The following CRIP2 variants were observed in gnomAD, a reference collection of about 807,000 sequenced individuals.
CRIP2 encodes the protein cysteine-rich protein 2.
Under a neutral mutation model 31.3 loss-of-function variants are expected in CRIP2, and 31 were observed. That is an observed-to-expected ratio of 0.99 (90% CI 0.74 to 1.34). The LOEUF is 1.34. Ranked by LOEUF, CRIP2 falls within the 40% of genes most tolerant of loss-of-function variation. The pLI, the probability that CRIP2 is intolerant of heterozygous loss-of-function variation, is 0.00. For synonymous variants in CRIP2, 177 were observed against 127.2 expected (o/e 1.39, Z -2.63); for missense variants, 389 against 301.6 (o/e 1.29, Z -2.15).
chr14:105,475,213 C>T, intron 1 of CRIP2: 1 of 291,746 alleles, frequency 3.4e-6, no homozygotes. Context: ...CGGGGATCCG[C>T]GGACGCATCC....
Position 105,479,437 on chromosome 14 carries a change from A to G in CRIP2, c.503A>G (p.His168Arg). 1 of 1,612,716 alleles carries G rather than the reference A, an allele frequency of 6.2e-7. No individual in the cohort carries two copies. Among genetic ancestry groups the G allele is most frequent in the Non-Finnish European group, 8.5e-7 (1 of 1,179,942 alleles). ...CTCAGCACCCACCTTCTGCCCCAGC[A>G]CGACGGCCAGCCCTACTGCCACAAG... ...KTLTPGGHAE[H>R]DGQPYCHKPC... Residue 168 changes from histidine to arginine, a missense_variant and splice_region_variant, in exon 7 of 8, where the codon CAC becomes CGC. Transcript: ENST00000329146.
At chr14:105,476,779 C>T (rs944557159) in intron 1 of CRIP2, 1 of 985,264 alleles carries the variant, frequency 1.0e-6, no homozygotes, top group Non-Finnish European at 1.2e-6. Flanking sequence ...TGGTTCTGGT[C>T]AGAGGGCTCT....
chr14:105,479,688 G>T lies in CRIP2; in HGVS notation c.*35G>T. 1 of 1,596,706 alleles carries T rather than the reference G, an allele frequency of 6.3e-7. No homozygotes were observed. Among genetic ancestry groups the T allele is most frequent in the Non-Finnish European group, 8.5e-7 (1 of 1,172,596 alleles). On this transcript the variant is annotated 3_prime_UTR_variant, in exon 8 of 8. Coordinates refer to ENST00000329146, the MANE Select transcript of CRIP2 (RefSeq NM_001312.4). ...GCTCTCATGATGTGGGCTCACCTGC[G>T]CCCCAGACCCTGCAGGGGCCCCCCT...
At chr14:105,479,316 T>C in intron 6 of CRIP2, 97 bp downstream of exon 6, 1 of 1,525,940 alleles carries the variant, frequency 6.6e-7, no homozygotes, top group Non-Finnish European at 8.9e-7. Context: ...GGGGTGGTGC[T>C]TCTGGGAGCT....
rs782778280 is a variant in CRIP2, at chr14:105,479,159, C to T, written c.441C>T (p.His147=). ...TGACGTCTCTGGGCAAGGATTGGCA[C>T]CGGCCCTGCCTGCGCTGCGAGCGCT... The part of the protein sequence containing the change: ...EKVTSLGKDW[H]RPCLRCERCG... The change falls in exon 6 of 8, where the codon CAC becomes CAT. Residue 147 remains histidine (H), a synonymous_variant. Transcript: ENST00000329146. The T allele has an allele frequency of 6.2e-7, 1 of 1,611,726 alleles. No individual in the cohort carries two copies.
intron 1 of CRIP2, chr14:105,476,171 T>C (rs1283356354): frequency 3.0e-5 from 30 of 985,328 alleles, no homozygotes; most frequent in Non-Finnish European, 3.5e-5. Flanking sequence ...AGGGCCCTTC[T>C]GCAGTCCAAC....
At chr14:105,474,332 A>G (rs1555435276), upstream of CRIP2, 1 of 151,312 alleles carries the variant, frequency 6.6e-6, no homozygotes, top group African/African-American at 2.4e-5. The surrounding 1 kb of genome is among the most constrained non-coding windows in gnomAD (Gnocchi z 5.1). Context: ...ACCGAGCAAC[A>G]AAGGGAAGCG....
chr14:105,478,685 C>CGGCCCCCACCCCACG lies in CRIP2; in HGVS notation c.197-45_197-31dup. ...CGTTTTCTGAGATGCCCGGTGGCCG[C>CGGCCCCCACCCCACG]GGCCCCCACCCCACGTACCCCCGCC... On this transcript the variant is annotated intron_variant, in intron 3 of 7. Transcript: ENST00000329146. This position sits in a 1 kb window ranked among gnomAD's most constrained non-coding sequence, Gnocchi z 4.9. 6.9e-7 allele frequency: 1 copy of CGGCCCCCACCCCACG among 1,447,498 alleles called. No homozygotes were observed. The highest frequency in any genetic ancestry group is 9.1e-7 in the Non-Finnish European group (1 of 1,102,444). 89.7% of individuals were successfully genotyped at this position (1,447,498 alleles called of 1,614,324 possible).
rs782798482 is a variant in CRIP2, at chr14:105,479,113, C to T, written c.407-12C>T. 4.2e-5 allele frequency: 68 copies of T among 1,611,116 alleles called. No homozygotes were observed. In the East Asian group the frequency reaches 8.9e-4, roughly 21 times the overall value. ...CGCCCCGGGGCTCGGCCTCACTCCT[C>T]CCCCTTTCCAGCTGAGAAGGTGACG... On this transcript the variant is annotated splice_polypyrimidine_tract_variant and intron_variant, in intron 5 of 7. Coordinates refer to ENST00000329146, the MANE Select transcript of CRIP2 (RefSeq NM_001312.4).
Position 105,478,407 on chromosome 14 carries a change from C to G in CRIP2, c.139-43C>G, listed in dbSNP as rs587646193. The G allele has an allele frequency of 1.0e-5, 16 of 1,585,052 alleles. No individual in the cohort carries two copies. The highest frequency in any genetic ancestry group is 2.3e-5 in the East Asian group (1 of 43,612). ...GGGCGGGGGCGGGGGTCGCGACTCCCGCCACCCTCAGGCAGGGTCCTGACC... is the reference window on the plus strand; with the variant it reads ...GGGCGGGGGCGGGGGTCGCGACTCCGGCCACCCTCAGGCAGGGTCCTGACC... On this transcript the variant is annotated intron_variant, in intron 2 of 7. Transcript: ENST00000329146. This position sits in a 1 kb window ranked among gnomAD's most constrained non-coding sequence, Gnocchi z 4.9.
At position 105,478,593 on chromosome 14, in the gene CRIP2, G is replaced by C. The variant is rs2084007175; in HGVS notation, c.196+86G>C. The C allele has an allele frequency of 6.5e-7, 1 of 1,528,350 alleles. No homozygotes were observed. The highest frequency in any genetic ancestry group is 1.2e-5 in the South Asian group (1 of 84,152). 94.7% of individuals were successfully genotyped at this position (1,528,350 alleles called of 1,614,324 possible). On this transcript the variant is annotated intron_variant, in intron 3 of 7. Coordinates refer to ENST00000329146, the MANE Select transcript of CRIP2 (RefSeq NM_001312.4). This position sits in a 1 kb window ranked among gnomAD's most constrained non-coding sequence, Gnocchi z 4.9. Reference sequence around the variant, plus strand: ...CTGGGGAGGGCTGGGGGTCCCGGCCGCCGTGGATCCCCGCCCAGAGTCCCT... The same window carrying C: ...CTGGGGAGGGCTGGGGGTCCCGGCCCCCGTGGATCCCCGCCCAGAGTCCCT...
upstream of CRIP2, chr14:105,473,391 T>C (rs2083874597): frequency 1.3e-6 from 2 of 1,535,242 alleles, no homozygotes; most frequent in African/African-American, 2.7e-5. Context: ...CTGCAGGGTG[T>C]GTGTGCAAGG....
chr14:105,476,823 C>G lies in CRIP2; in HGVS notation c.44-1443C>G, dbSNP rs1490242651. The G allele has an allele frequency of 1.2e-5, 11 of 955,672 alleles. No homozygotes were observed. In the East Asian group the frequency reaches 1.3e-3, roughly 110 times the overall value. 59.2% of individuals were successfully genotyped at this position (955,672 alleles called of 1,614,324 possible). On this transcript the variant is annotated intron_variant, in intron 1 of 7. Coordinates refer to ENST00000329146, the MANE Select transcript of CRIP2 (RefSeq NM_001312.4). ...GCAGCCTTGTGGTTGGGCTGGTGTC[C>G]TGGAGGCTGGCCCTGGCCATGCCCA...
chr14:105,473,373 G>C (rs1005958548), upstream of CRIP2: 73 of 1,535,710 alleles, frequency 4.8e-5, no homozygotes, highest in East Asian at 1.7e-3. Flanking sequence ...CCATGGAAAT[G>C]GCAGTGGCTG....
upstream of CRIP2, chr14:105,474,556 G>T (rs2083891834): frequency 2.0e-5 from 3 of 148,698 alleles, no homozygotes; most frequent in South Asian, 4.3e-4. This position sits in a 1 kb window ranked among gnomAD's most constrained non-coding sequence, Gnocchi z 5.1. Context: ...CGTCGCCATG[G>T]AAACAGCCGG....
At chr14:105,474,758 G>A (rs1395396081), upstream of CRIP2, 35 of 1,112,592 alleles carry the variant, frequency 3.1e-5, no homozygotes, top group East Asian at 5.4e-5. The surrounding 1 kb of genome is among the most constrained non-coding windows in gnomAD (Gnocchi z 5.1). Context: ...CCCCGGCCGC[G>A]GAGCCAATGG....
chr14:105,476,369 C>T, intron 1 of CRIP2: 3 of 985,522 alleles, frequency 3.0e-6, no homozygotes, highest in Non-Finnish European at 3.6e-6. Context: ...GGCGAGGGTC[C>T]AGAATCCTGC....
Position 105,477,720 on chromosome 14 carries a change from G to GGGAAGCGGGTGTGTGT in CRIP2, c.44-544_44-543insAAGCGGGTGTGTGTGG, listed in dbSNP as rs2083968330. The GGGAAGCGGGTGTGTGT allele has an allele frequency of 9.2e-3, 8 of 874 alleles. 2 individuals carry two copies. Among genetic ancestry groups the GGGAAGCGGGTGTGTGT allele is most frequent in the Admixed American group, 0.026 (1 of 38 alleles). The allele number at this position is 874 out of a possible 1,614,324, so 0.1% of individuals were successfully genotyped here. On this transcript the variant is annotated intron_variant, in intron 1 of 7. Transcript: ENST00000329146. ...GTGTCTGAGGAAGCGGGTGTGTGTG[G>GGGAAGCGGGTGTGTGT]GGGGAAGCGGGTGTGTGGAGGCGGG...
chr14:105,479,862 C>T lies in CRIP2; in HGVS notation c.*209C>T. ...CCCCTCTGGCATCCTCTGGGCGTCC[C>T]ATGATCCCTTCTGTGTCTGCGTGTC... On this transcript the variant is annotated 3_prime_UTR_variant, in exon 8 of 8. Transcript: ENST00000329146. The T allele has an allele frequency of 1.7e-6, 1 of 605,196 alleles. No homozygotes were observed. The highest frequency in any genetic ancestry group is 2.8e-5 in the East Asian group (1 of 35,932). 37.5% of individuals were successfully genotyped at this position (605,196 alleles called of 1,614,324 possible).
Sources: gnomAD v4.1 joint callset for allele counts on GRCh38, gnomAD v4.1.1 for gene constraint, Gnocchi (gnomAD v3.1) non-coding constraint, MANE v1.5 for transcripts, NCBI Gene and HGNC (gene_info 2026-07-23, HGNC 2026-07-21) for gene names.